Variants in CEP295 observed in about 807,000 individuals in gnomAD.
The protein encoded by CEP295 is centrosomal protein of 295 kDa.
CEP295 carries 190 observed loss-of-function variants against 291.6 expected under a neutral mutation model. The ratio of observed to expected loss-of-function variants is 0.65; its 90% CI spans 0.58 to 0.73. CEP295 has a LOEUF of 0.73. Ranked by LOEUF, CEP295 falls within the 30% of genes least tolerant of loss-of-function variation. CEP295 has a pLI of 0.00. For missense variants in CEP295, 2,863 were observed against 2,949.4 expected (o/e 0.97, Z 0.68); for synonymous variants, 993 against 1,038.8 (o/e 0.96, Z 0.85).
intron 1 of CEP295, 22 bp from the exon 2 acceptor site, chr11:93,666,660 A>G: frequency 1.2e-6 from 1 of 868,594 alleles, no homozygotes; most frequent in Non-Finnish European, 1.8e-6. Context: ...ATTTTTATAG[A>G]CATTTTCCTT....
Position 93,697,053 on chromosome 11 carries a change from C to G in CEP295, c.2141C>G (p.Ser714Cys), listed in dbSNP as rs759654055. ...TCACAAGAACATCTAAGGCAATTCT[C>G]TCAGACTGAAACACAACAGAGAGAC... ...LESQEHLRQF[S>C]QTETQQRDYK... Residue 714 changes from serine (S) to cysteine (C), a missense_variant, in exon 15 of 30, where the codon TCT (serine) becomes TGT (cysteine). Ser to Cys is a moderately radical substitution (Grantham distance 112). This residue lies in a region of CEP295 where 2,295 missense variants were observed against 2,335.7 expected (regional missense o/e 0.98). Transcript: ENST00000325212. The G allele has an allele frequency of 6.4e-6, 10 of 1,551,498 alleles. No homozygotes were observed. The Admixed American group carries it at 1.4e-4, about 21-fold the overall frequency.
At position 93,727,091 on chromosome 11, in the gene CEP295, G is replaced by A. The variant is rs1954205771; in HGVS notation, c.6615G>A (p.Met2205Ile). ...SIEARDSSQG[M>I]KNQNYPSEEH... is the part of the protein sequence containing the mutation. ...AAGCAAGAGATTCTTCCCAAGGCAT[G>A]AAAAATCAGAACTATCCCTCTGAAG... The change falls in exon 24 of 30, where the codon ATG becomes ATA. Residue 2205 changes from methionine (M) to isoleucine (I), a missense_variant. This residue lies in a region of CEP295 where 2,295 missense variants were observed against 2,335.7 expected (regional missense o/e 0.98). Coordinates refer to ENST00000325212, the MANE Select transcript of CEP295 (RefSeq NM_033395.2). 6.4e-7 allele frequency: 1 copy of A among 1,551,432 alleles called. No individual in the cohort carries two copies. Among genetic ancestry groups the A allele is most frequent in the African/African-American group, 1.4e-5 (1 of 73,022 alleles).
chr11:93,712,327 C>G (rs905316207), intron 18 of CEP295, among the ~76,000 whole-genome samples: 4 of 152,050 alleles, frequency 2.6e-5, no homozygotes, highest in Non-Finnish European at 4.4e-5. Flanking sequence ...GATCTTGGCT[C>G]ACTGCAGCCT....
chr11:93,721,358 T>G lies in CEP295; in HGVS notation c.5796T>G (p.Tyr1932Ter), dbSNP rs17651231. The G allele has an allele frequency of 5.1e-6, 8 of 1,562,612 alleles. No homozygotes were observed. The highest frequency in any genetic ancestry group is 6.1e-6 in the Non-Finnish European group (7 of 1,151,488). Residue 1932 changes from tyrosine to a stop codon, truncating the protein, a stop_gained, in exon 19 of 30, where the codon TAT (tyrosine) becomes TAG (stop). Transcript: ENST00000325212. LOFTEE classifies it high-confidence loss of function. Reference sequence around the variant, plus strand: ...TTGAAAATCATGCAGTGTTAAGTTATGCTGTGGAGGAAGAACATGCATATT... The same window carrying G: ...TTGAAAATCATGCAGTGTTAAGTTAGGCTGTGGAGGAAGAACATGCATATT... The part of the protein sequence containing the change: ...SVVENHAVLS[Y>*]AVEEEHAYLG...
chr11:93,710,066 C>T (rs1952797576), intron 18 of CEP295, among the ~76,000 whole-genome samples: 1 of 151,990 alleles, frequency 6.6e-6, no homozygotes, highest in African/African-American at 2.4e-5. Context: ...CAGATATAAG[C>T]TCGTATCAAA....
At chr11:93,664,034 T>G (rs1160383544) in intron 1 of CEP295, among the ~76,000 whole-genome samples, 1 of 152,214 alleles carries the variant, frequency 6.6e-6, no homozygotes, top group African/African-American at 2.4e-5. Context: ...TAGTTCTGCT[T>G]GTTCTTGAAC....
At chr11:93,705,195 G>A (rs75688233) in intron 17 of CEP295, among the ~76,000 whole-genome samples, 1,776 of 152,092 alleles carry the variant, frequency 0.012, 36 homozygotes, top group East Asian at 0.054. Flanking sequence ...TGTATGGGCC[G>A]TGCTATGCAT....
At chr11:93,713,501 T>C (rs1286492145) in intron 18 of CEP295, among the ~76,000 whole-genome samples, 1 of 152,252 alleles carries the variant, frequency 6.6e-6, no homozygotes, top group Non-Finnish European at 1.5e-5. Context: ...GCTCCTGGCC[T>C]GTAAGGTTTC....
intron 21 of CEP295, 94 bp from the exon 22 acceptor site, chr11:93,724,160 A>G: frequency 8.6e-7 from 1 of 1,162,706 alleles, no homozygotes; most frequent in Non-Finnish European, 1.2e-6. Context: ...GTTTATGAAT[A>G]TGTTCTTAAT....
chr11:93,726,860 T>A, intron 23 of CEP295, 116 bp from the exon 24 acceptor site: 1 of 760,716 alleles, frequency 1.3e-6, no homozygotes, highest in South Asian at 2.1e-5. Flanking sequence ...ACATCAACTT[T>A]TATGCCTAAA....
At chr11:93,664,491 G>C (rs1950123424) in intron 1 of CEP295, among the ~76,000 whole-genome samples, 2 of 152,230 alleles carry the variant, frequency 1.3e-5, no homozygotes, top group Non-Finnish European at 2.9e-5. Flanking sequence ...TATTAGATGA[G>C]TAGGATGCAT....
intron 1 of CEP295, among the ~76,000 whole-genome samples, chr11:93,665,658 A>C (rs541644370): frequency 2.6e-4 from 40 of 152,376 alleles, no homozygotes; most frequent in Admixed American, 7.2e-4. Flanking sequence ...TGGTAAGCCA[A>C]GATTGTGTCA....
chr11:93,662,631 C>G (rs1362511709), intron 1 of CEP295, among the ~76,000 whole-genome samples: 1 of 152,172 alleles, frequency 6.6e-6, no homozygotes, highest in African/African-American at 2.4e-5. Context: ...GGGAAAACTT[C>G]CTTACAGCAG....
intron 1 of CEP295, among the ~76,000 whole-genome samples, chr11:93,666,413 G>A (rs947749994): frequency 1.3e-5 from 2 of 152,082 alleles, no homozygotes; most frequent in Non-Finnish European, 2.9e-5. Flanking sequence ...GGCCAACATG[G>A]TGAAACCCCA....
chr11:93,703,170 G>A (rs1183832783), intron 17 of CEP295, among the ~76,000 whole-genome samples: 1 of 152,056 alleles, frequency 6.6e-6, no homozygotes, highest in African/African-American at 2.4e-5. Context: ...CACCATATTG[G>A]CCAGGCCGGT....
chr11:93,683,452 G>C, intron 7 of CEP295, 107 bp from the exon 8 acceptor site: 1 of 736,492 alleles, frequency 1.4e-6, no homozygotes, highest in Admixed American at 3.5e-5. Flanking sequence ...ATAGAGGAGA[G>C]GAGAGAAGCT....
chr11:93,699,509 A>G lies in CEP295; in HGVS notation c.4597A>G (p.Arg1533Gly), dbSNP rs773257016. The G allele has an allele frequency of 1.3e-4, 198 of 1,551,702 alleles. No homozygotes were observed. Among genetic ancestry groups the G allele is most frequent in the Middle Eastern group, 1.7e-4 (1 of 6,016 alleles). ...QEVQEELLLQRLSELEKRVSS... is the reference protein window; with the variant it reads ...QEVQEELLLQGLSELEKRVSS... ...AGTCCAAGAAGAATTGCTTTTGCAAAGATTAAGTGAATTGGAGAAAAGGGT... is the reference window on the plus strand; with the variant it reads ...AGTCCAAGAAGAATTGCTTTTGCAAGGATTAAGTGAATTGGAGAAAAGGGT... The change falls in exon 15 of 30, where the codon AGA (arginine) becomes GGA (glycine). Residue 1533 changes from arginine (R) to glycine (G), a missense_variant. Coordinates refer to ENST00000325212, the MANE Select transcript of CEP295 (RefSeq NM_033395.2).
chr11:93,695,501 T>C lies in CEP295; in HGVS notation c.1538T>C (p.Met513Thr). ...CAATAGTATTTTGTTACCTAGATAA[T>C]GGAAATAGAAGAGCAGAAGCAAAAG... ...IRMSARQKQIMEIEEQKQKQL... is the reference protein window; with the variant it reads ...IRMSARQKQITEIEEQKQKQL... Residue 513 changes from methionine (M) to threonine (T), a missense_variant, in exon 13 of 30, where the codon ATG (methionine) becomes ACG (threonine). Around this residue, in one of 3 missense-constraint regions of CEP295, gnomAD observed 14 missense variants for 37.7 expected, o/e 0.37. Coordinates refer to ENST00000325212, the MANE Select transcript of CEP295 (RefSeq NM_033395.2). 2 of 1,447,294 alleles carry C rather than the reference T, an allele frequency of 1.4e-6. No homozygotes were observed. Among genetic ancestry groups the C allele is most frequent in the Non-Finnish European group, 1.8e-6 (2 of 1,107,798 alleles). 89.7% of individuals were successfully genotyped at this position (1,447,294 alleles called of 1,614,324 possible).
At chr11:93,709,976 TG>T (rs1442411025) in intron 18 of CEP295, among the ~76,000 whole-genome samples, 1 of 152,252 alleles carries the variant, frequency 6.6e-6, no homozygotes, top group African/African-American at 2.4e-5. Flanking sequence ...TACTGGTTTT[TG>T]TATGTTGATT....
Sources: gnomAD v4.1 joint callset for allele counts (sites outside exome capture counted in the v4.1 genomes callset) on GRCh38, gnomAD v4.1.1 for gene constraint, gnomAD v4.1.1 regional missense constraint, MANE v1.5 for transcripts, NCBI Gene and HGNC (gene_info 2026-07-23, HGNC 2026-07-21) for gene names.